The following STARD8 variants were observed in gnomAD, a reference collection of about 807,000 sequenced individuals.
The protein encoded by STARD8 is stAR-related lipid transfer protein 8.
Under a neutral mutation model 69.4 loss-of-function variants are expected in STARD8, and 25 were observed. The ratio of observed to expected loss-of-function variants is 0.36; its 90% CI spans 0.26 to 0.50. STARD8 has a LOEUF of 0.50. STARD8 is among the 20% of genes least tolerant of loss of function. The pLI is 0.96. For missense variants in STARD8, 921 were observed against 932.5 expected, an observed-to-expected ratio of 0.99 and a Z score of 0.16; for synonymous variants, 389 against 374.6, an observed-to-expected ratio of 1.04 and a Z score of -0.45.
chrX:68,721,808 C>A, intron 10 of STARD8, 62 bp downstream of exon 10: 1 of 1,079,575 alleles, frequency 9.3e-7, no homozygotes, highest in Non-Finnish European at 1.3e-6. Context: ...CCCCACTGGA[C>A]TTTTGGCTTT....
At chrX:68,659,767 A>G (rs868630995) in intron 1 of STARD8, among the ~76,000 whole-genome samples, 3 of 111,620 alleles carry the variant, frequency 2.7e-5, no homozygotes, top group Non-Finnish European at 3.8e-5. Context: ...TGTAGGGCCC[A>G]AGGCAGGAGA....
intron 2 of STARD8, among the ~76,000 whole-genome samples, chrX:68,668,090 TTTC>T (rs2079697461): frequency 2.1e-5 from 2 of 97,416 alleles, no homozygotes; most frequent in Non-Finnish European, 4.1e-5. Flanking sequence ...TCTTTCTTTC[TTTC>T]TTTCTTTCTT....
rs920303499 is a variant in STARD8, at chrX:68,707,109, A to G, written c.80-5805A>G. On this transcript the variant is annotated intron_variant, in intron 2 of 14. Transcript: ENST00000374599. Reference sequence around the variant, plus strand: ...TGGCTTTTCCTCCTGCACTCACTGAAGGTGGGAGAGACAAACATGGAGACC... The same window carrying G: ...TGGCTTTTCCTCCTGCACTCACTGAGGGTGGGAGAGACAAACATGGAGACC... Among the ~76,000 whole-genome samples, 8 of 112,558 alleles carry G rather than the reference A, an allele frequency of 7.1e-5. No homozygotes were observed. The Admixed American group carries it at 7.5e-4, about 10-fold the overall frequency.
Position 68,718,518 on chromosome X carries a change from G to A in STARD8, c.1604G>A (p.Gly535Glu). 1 of 1,212,264 alleles carries A rather than the reference G, an allele frequency of 8.2e-7. No homozygotes were observed. Among genetic ancestry groups the A allele is most frequent in the Non-Finnish European group, 1.1e-6 (1 of 895,591 alleles). Residue 535 changes from glycine to glutamate, a missense_variant, in exon 6 of 15, where the codon GGG becomes GAG. Transcript: ENST00000374599. Reference protein sequence around the residue: ...VASSSELDSSGNSMNEAEAAG... With the variant: ...VASSSELDSSENSMNEAEAAG... ...TCCTCCAGCGAACTTGACAGTAGTGGGAACTCCATGAATGAGGCTGAGGCT... is the reference window on the plus strand; with the variant it reads ...TCCTCCAGCGAACTTGACAGTAGTGAGAACTCCATGAATGAGGCTGAGGCT...
chrX:68,658,372 A>G lies in STARD8; in HGVS notation c.46-7127A>G, dbSNP rs1280239648. ...TTTTTAACCCAGGTAATCTAGTTTCAAAGTCCACTATGTTCATGTAATCTG... is the reference window on the plus strand; with the variant it reads ...TTTTTAACCCAGGTAATCTAGTTTCGAAGTCCACTATGTTCATGTAATCTG... On this transcript the variant is annotated intron_variant, in intron 1 of 14. Coordinates refer to ENST00000374599, the MANE Select transcript of STARD8 (RefSeq NM_001142503.3). 3.6e-5 allele frequency among the ~76,000 whole-genome samples: 4 copies of G among 112,506 alleles called. No individual in the cohort carries two copies. In the East Asian group the frequency reaches 1.1e-3, roughly 31 times the overall value.
In STARD8 at chrX:68,718,436, A is replaced by G; in HGVS notation, c.1522A>G (p.Thr508Ala). 3 of 1,210,888 alleles carry G rather than the reference A, an allele frequency of 2.5e-6. No homozygotes were observed. The highest frequency in any genetic ancestry group is 3.4e-6 in the Non-Finnish European group (3 of 895,147). The change falls in exon 6 of 15, where the codon ACC becomes GCC. Residue 508 changes from threonine (T) to alanine (A), a missense_variant. Coordinates refer to ENST00000374599, the MANE Select transcript of STARD8 (RefSeq NM_001142503.3). ...GGAGGCACATTCAGGCGGGGAACCC[A>G]CCTTTGCCTCTAGCCTGTCTGTGGA... is the stretch of plus-strand genomic sequence containing the variant. Reference protein sequence around the residue: ...EQEAHSGGEPTFASSLSVEEG... With the variant: ...EQEAHSGGEPAFASSLSVEEG...
chrX:68,719,373 G>A lies in STARD8; in HGVS notation c.1864G>A (p.Val622Met). The part of the protein sequence containing the change: ...RLTAFMEKYT[V>M]PHKQGWVWSM... Reference sequence around the variant, plus strand: ...TACCGCGTTCATGGAGAAGTACACTGTGCCCCACAAGCAGGGCTGGGTCTG... The same window carrying A: ...TACCGCGTTCATGGAGAAGTACACTATGCCCCACAAGCAGGGCTGGGTCTG... The change falls in exon 7 of 15, where the codon GTG becomes ATG. Residue 622 changes from valine (V) to methionine (M), a missense_variant. Val to Met is a conservative substitution (Grantham distance 21). Coordinates refer to ENST00000374599, the MANE Select transcript of STARD8 (RefSeq NM_001142503.3). 8.4e-7 allele frequency: 1 copy of A among 1,188,195 alleles called. No individual in the cohort carries two copies. Among genetic ancestry groups the A allele is most frequent in the Non-Finnish European group, 1.1e-6 (1 of 882,897 alleles).
chrX:68,655,298 C>G (rs1219265819), intron 1 of STARD8, among the ~76,000 whole-genome samples: 1 of 111,779 alleles, frequency 8.9e-6, no homozygotes, highest in African/African-American at 3.3e-5. Flanking sequence ...GTATATACAG[C>G]CAGCCACGTC....
chrX:68,647,907 T>A lies in STARD8; in HGVS notation c.25T>A (p.Ser9Thr). 1 of 1,201,012 alleles carries A rather than the reference T, an allele frequency of 8.3e-7. No homozygotes were observed. The highest frequency in any genetic ancestry group is 1.1e-6 in the Non-Finnish European group (1 of 890,155). ...CATGCCTCTGCTGGACGTTTTCTGGTCTTGCTTCAGGAAGGTGAAGGTAAG... is the reference window on the plus strand; with the variant it reads ...CATGCCTCTGCTGGACGTTTTCTGGACTTGCTTCAGGAAGGTGAAGGTAAG... MPLLDVFW[S>T]CFRKVKCFPL... The change falls in exon 1 of 15, where the codon TCT becomes ACT. Residue 9 changes from serine to threonine, a missense_variant. By Grantham distance (58) the Ser-to-Thr change is moderately conservative. Transcript: ENST00000374599.
chrX:68,715,117 G>T (rs2080081309), intron 3 of STARD8, among the ~76,000 whole-genome samples, 177 bp from the exon 4 acceptor site: 1 of 111,306 alleles, frequency 9.0e-6, no homozygotes. Context: ...GCCTCTCCCA[G>T]ACCTTTCCCT....
chrX:68,721,182 G>A, intron 9 of STARD8, 60 bp downstream of exon 9: 1 of 1,148,210 alleles, frequency 8.7e-7, no homozygotes, highest in Non-Finnish European at 1.2e-6. Flanking sequence ...CTGAATCCCA[G>A]AACTTGTGGA....
chrX:68,709,102 C>T (rs1453092877), intron 2 of STARD8, among the ~76,000 whole-genome samples: 3 of 112,265 alleles, frequency 2.7e-5, no homozygotes, highest in East Asian at 2.8e-4. Flanking sequence ...GCCTCCCAGC[C>T]CTCCATGAGA....
In STARD8 at chrX:68,680,637, G is replaced by A. The variant is rs184763733; in HGVS notation, c.79+15105G>A. Among the ~76,000 whole-genome samples, 902 of 112,174 alleles carry A rather than the reference G, an allele frequency of 8.0e-3. 11 individuals carry two copies. The highest frequency in any genetic ancestry group is 0.028 in the African/African-American group (877 of 30,924). Reference sequence around the variant, plus strand: ...GCCAGACTGCAAGGCATGTGTTACTGTGTGTTGGTGCTGTGCCCTGCCAGG... The same window carrying A: ...GCCAGACTGCAAGGCATGTGTTACTATGTGTTGGTGCTGTGCCCTGCCAGG... On this transcript the variant is annotated intron_variant, in intron 2 of 14. Coordinates refer to ENST00000374599, the MANE Select transcript of STARD8 (RefSeq NM_001142503.3).
At chrX:68,655,102 A>G (rs778868505) in intron 1 of STARD8, among the ~76,000 whole-genome samples, 22 of 111,636 alleles carry the variant, frequency 2.0e-4, no homozygotes, top group Non-Finnish European at 3.9e-4. Context: ...CGATGCCATC[A>G]CTACAGAGTT....
intron 2 of STARD8, among the ~76,000 whole-genome samples, chrX:68,699,331 CCGACAGGTACTTGT>C (rs986020315): frequency 1.8e-5 from 2 of 112,519 alleles, no homozygotes; most frequent in Admixed American, 1.9e-4. Context: ...TTGGGGCTTC[CCGACAGGTACTTGT>C]GCAGTTCCTG....
Position 68,693,546 on chromosome X carries a change from C to T in STARD8, c.80-19368C>T, listed in dbSNP as rs910893049. 7 of 630,116 alleles carry T rather than the reference C, an allele frequency of 1.1e-5. No homozygotes were observed. The African/African-American group carries it at 1.2e-4, about 11-fold the overall frequency. 51.9% of individuals were successfully genotyped at this position (630,116 alleles called of 1,213,427 possible). On this transcript the variant is annotated intron_variant, in intron 2 of 14. Transcript: ENST00000374599. Reference sequence around the variant, plus strand: ...CACCCAGATTTGGGTGACTTTCTGGCGAGTCCGGTGGGCCAGACTGCGCCC... The same window carrying T: ...CACCCAGATTTGGGTGACTTTCTGGTGAGTCCGGTGGGCCAGACTGCGCCC...
chrX:68,670,474 G>A (rs1300872247), intron 2 of STARD8, among the ~76,000 whole-genome samples: 2 of 111,300 alleles, frequency 1.8e-5, no homozygotes, highest in Non-Finnish European at 3.8e-5. Flanking sequence ...TGGCCTAAGG[G>A]GCTGGGAAGC....
intron 2 of STARD8, among the ~76,000 whole-genome samples, chrX:68,711,978 G>C (rs183961321): frequency 1.8e-5 from 2 of 112,818 alleles, no homozygotes; most frequent in Non-Finnish European, 3.8e-5. Flanking sequence ...GCAAATAACC[G>C]CCCAGGCAGG....
At chrX:68,701,960 G>A (rs2079969788) in intron 2 of STARD8, among the ~76,000 whole-genome samples, 1 of 111,604 alleles carries the variant, frequency 9.0e-6, no homozygotes, top group African/African-American at 3.3e-5. Flanking sequence ...AGCCCTCCCC[G>A]AAGTGCTTCC....
Sources: allele counts gnomAD v4.1 joint callset (sites outside exome capture counted in the v4.1 genomes callset), GRCh38; gene constraint gnomAD v4.1.1; transcripts MANE v1.5; gene names NCBI Gene and HGNC (gene_info 2026-07-23, HGNC 2026-07-21).